PODXL2: variants seen among roughly 807,000 people sequenced by gnomAD.
The protein encoded by PODXL2 is podocalyxin-like protein 2.
In PODXL2, 17 loss-of-function variants were observed where a neutral mutation model predicts 53.4. The ratio of observed to expected loss-of-function variants is 0.32; its 90% CI spans 0.22 to 0.48. The LOEUF is 0.48. PODXL2 is among the 20% of genes least tolerant of loss of function. PODXL2 has a pLI of 0.99. For missense variants in PODXL2, 673 were observed against 760.0 expected, an observed-to-expected ratio of 0.89 and a Z score of 1.35; for synonymous variants, 311 against 306.7, an observed-to-expected ratio of 1.01 and a Z score of -0.15.
rs560508326 is a variant in PODXL2, at chr3:127,668,358, G to C, written c.1207-83G>C. The C allele has an allele frequency of 3.3e-4, 423 of 1,275,768 alleles. 7 individuals are homozygous for C. The South Asian group carries it at 8.0e-3, about 24-fold the overall frequency. 79.0% of individuals were successfully genotyped at this position (1,275,768 alleles called of 1,614,324 possible). A position where few individuals can be genotyped will look rare whatever the true frequency, so the allele number is the denominator to read the frequency against. Reference sequence around the variant, plus strand: ...GGAACAGCCAGAGGGTTGAGGGTGAGTACGGGGCTGGGCCTAGAGGCAGAG... The same window carrying C: ...GGAACAGCCAGAGGGTTGAGGGTGACTACGGGGCTGGGCCTAGAGGCAGAG... On this transcript the variant is annotated intron_variant, in intron 4 of 7. Coordinates refer to ENST00000342480, the MANE Select transcript of PODXL2 (RefSeq NM_015720.4).
intron 4 of PODXL2, among the ~76,000 whole-genome samples, chr3:127,662,983 A>T (rs2107543846): frequency 6.6e-6 from 1 of 152,314 alleles, no homozygotes; most frequent in African/African-American, 2.4e-5. Context: ...CATAAATATC[A>T]ATATTCATGT....
chr3:127,662,137 C>T, intron 3 of PODXL2, 100 bp from the exon 4 acceptor site: 1 of 970,462 alleles, frequency 1.0e-6, no homozygotes, highest in Non-Finnish European at 1.6e-6. Context: ...CACTGGCCTC[C>T]ACCTTCCAGC....
At chr3:127,637,145 A>G (rs1309267878) in intron 1 of PODXL2, among the ~76,000 whole-genome samples, 4 of 152,122 alleles carry the variant, frequency 2.6e-5, no homozygotes, top group African/African-American at 9.7e-5. Flanking sequence ...TTATGATGAT[A>G]CTTTCTAAAG....
chr3:127,653,382 C>G (rs376874603), intron 2 of PODXL2, among the ~76,000 whole-genome samples: 28 of 152,326 alleles, frequency 1.8e-4, no homozygotes, highest in African/African-American at 6.3e-4. Context: ...TGCAGGGGCT[C>G]TCTCCTGTAA....
chr3:127,668,594 C>G lies in PODXL2; in HGVS notation c.1360C>G (p.Gln454Glu), dbSNP rs1283599320. The part of the protein sequence containing the change: ...QHLLMTLVGE[Q>E]GVVPTQDVLS... The stretch of plus-strand genomic sequence containing the variant: ...CCTTCTCATGACACTGGTGGGCGAG[C>G]AGGGTGAGCGAGGGCAGGTGATGGG... The change falls in exon 5 of 8, where the codon CAG becomes GAG. Residue 454 changes from glutamine (Q) to glutamate (E), a missense_variant. By Grantham distance (29) the Gln-to-Glu change is conservative. Transcript: ENST00000342480. 2.0e-6 allele frequency: 3 copies of G among 1,530,144 alleles called. No individual in the cohort carries two copies. Among genetic ancestry groups the G allele is most frequent in the Non-Finnish European group, 2.6e-6 (3 of 1,136,308 alleles). The allele number at this position is 1,530,144 out of a possible 1,614,324, so 94.8% of individuals were successfully genotyped here.
chr3:127,631,196 A>C (rs764192965), intron 1 of PODXL2, among the ~76,000 whole-genome samples: 3 of 152,132 alleles, frequency 2.0e-5, no homozygotes, highest in Non-Finnish European at 2.9e-5. Context: ...TGTCGCTGAC[A>C]CTTAAGGGTG....
At chr3:127,638,432 A>T (rs1456862028) in intron 1 of PODXL2, among the ~76,000 whole-genome samples, 1 of 152,174 alleles carries the variant, frequency 6.6e-6, no homozygotes, top group Non-Finnish European at 1.5e-5. Flanking sequence ...CTACGTTCAG[A>T]GGCTGGGCTC....
intron 4 of PODXL2, among the ~76,000 whole-genome samples, chr3:127,664,447 A>G (rs1406640676): frequency 2.6e-5 from 4 of 151,948 alleles, no homozygotes; most frequent in African/African-American, 9.7e-5. Flanking sequence ...TATTGTGAAT[A>G]GTGCTGCTGG....
chr3:127,644,681 T>C (rs1418074849), intron 2 of PODXL2, among the ~76,000 whole-genome samples: 1 of 152,202 alleles, frequency 6.6e-6, no homozygotes, highest in Non-Finnish European at 1.5e-5. Context: ...AGAATAAAAA[T>C]AGCTCTCATT....
intron 2 of PODXL2, among the ~76,000 whole-genome samples, chr3:127,650,657 T>G (rs1286030921): frequency 1.3e-5 from 2 of 152,136 alleles, no homozygotes; most frequent in Non-Finnish European, 2.9e-5. Context: ...GTTTGTTTTT[T>G]TTGTTGTTGT....
At chr3:127,633,409 G>A (rs1559871805) in intron 1 of PODXL2, among the ~76,000 whole-genome samples, 1 of 151,938 alleles carries the variant, frequency 6.6e-6, no homozygotes, top group South Asian at 2.1e-4. Flanking sequence ...CTAGCTGTTT[G>A]ACCTTAATCC....
intron 1 of PODXL2, among the ~76,000 whole-genome samples, chr3:127,638,254 A>G (rs1361821788): frequency 4.6e-5 from 7 of 152,230 alleles, no homozygotes; most frequent in Non-Finnish European, 1.0e-4. Flanking sequence ...TTAAAGAATG[A>G]GAGTGAAAGA....
chr3:127,672,102 GTTTAT>G (rs1326881814), intron 7 of PODXL2, among the ~76,000 whole-genome samples, 161 bp from the exon 8 acceptor site: 3 of 152,258 alleles, frequency 2.0e-5, no homozygotes, highest in Admixed American at 6.5e-5. Context: ...CGACTAGTAG[GTTTAT>G]TTTGAGAAAG....
rs931179655 is a variant in PODXL2, at chr3:127,629,298, G to T, written c.70+9G>T. ...GCTTCTGCTGGTTGGGGGTGAGTGC[G>T]CTCCGGGCCCGAGCGCGGGAGGGCG... On this transcript the variant is annotated intron_variant, in intron 1 of 7. Transcript: ENST00000342480. The surrounding 1 kb of genome is among the most constrained non-coding windows in gnomAD (Gnocchi z 6.4). 5.9e-6 allele frequency: 6 copies of T among 1,019,188 alleles called. No homozygotes were observed. The South Asian group carries it at 1.8e-4, about 30-fold the overall frequency. 63.1% of individuals were successfully genotyped at this position (1,019,188 alleles called of 1,614,324 possible). A position where few individuals can be genotyped will look rare whatever the true frequency, so the allele number is the denominator to read the frequency against.
intron 1 of PODXL2, among the ~76,000 whole-genome samples, chr3:127,633,962 G>A (rs1008654683): frequency 6.6e-5 from 10 of 151,780 alleles, no homozygotes; most frequent in Admixed American, 2.0e-4. Flanking sequence ...CAAAAGAGGC[G>A]GCTGTGTTCT....
intron 6 of PODXL2, among the ~76,000 whole-genome samples, chr3:127,670,449 T>G (rs2074825279): frequency 6.6e-6 from 1 of 152,156 alleles, no homozygotes; most frequent in African/African-American, 2.4e-5. Context: ...TATACAGTCC[T>G]CCCCCTGCTT....
intron 5 of PODXL2, among the ~76,000 whole-genome samples, chr3:127,668,929 T>C (rs1464559572): frequency 6.6e-6 from 1 of 152,146 alleles, no homozygotes; most frequent in Admixed American, 6.5e-5. Flanking sequence ...AGTGGCTGGC[T>C]GGTGTTATAC....
At chr3:127,652,024 A>T (rs2074692561) in intron 2 of PODXL2, among the ~76,000 whole-genome samples, 1 of 152,216 alleles carries the variant, frequency 6.6e-6, no homozygotes, top group Non-Finnish European at 1.5e-5. Context: ...GGGAGAGGTC[A>T]TGATTCTGCT....
intron 4 of PODXL2, among the ~76,000 whole-genome samples, chr3:127,664,484 A>G (rs2074784228): frequency 6.6e-6 from 1 of 152,084 alleles, no homozygotes; most frequent in South Asian, 2.1e-4. Context: ...TATATCTTCA[A>G]GACTCTGTTT....
Sources: gnomAD v4.1 joint callset for allele counts (sites outside exome capture counted in the v4.1 genomes callset) on GRCh38, gnomAD v4.1.1 for gene constraint, Gnocchi (gnomAD v3.1) non-coding constraint, MANE v1.5 for transcripts, NCBI Gene and HGNC (gene_info 2026-07-23, HGNC 2026-07-21) for gene names.